The following SPOCK1 variants were observed in gnomAD, a reference collection of about 807,000 sequenced individuals.
The protein encoded by SPOCK1 is SPARC (osteonectin), cwcv and kazal like domains proteoglycan 1, also known as testican-1.
Under a neutral mutation model 55.3 loss-of-function variants are expected in SPOCK1, and 23 were observed. That is an observed-to-expected ratio of 0.42 (90% CI 0.30 to 0.59). SPOCK1 has a LOEUF of 0.59. Among genes scored for constraint, SPOCK1 ranks in the 20% least tolerant of loss-of-function variants. The pLI is 0.22. For synonymous variants in SPOCK1, 226 were observed against 221.0 expected (o/e 1.02, Z -0.20); for missense variants, 499 against 552.5 (o/e 0.90, Z 0.97).
chr5:137,076,731 G>A (rs866206716), intron 5 of SPOCK1, among the ~76,000 whole-genome samples: 11 of 152,012 alleles, frequency 7.2e-5, no homozygotes, highest in Admixed American at 3.3e-4. Context: ...GTAAGTCAGG[G>A]ACCATCTGTG....
intron 5 of SPOCK1, among the ~76,000 whole-genome samples, chr5:137,086,967 G>A (rs745784271): frequency 3.3e-5 from 5 of 152,132 alleles, no homozygotes; most frequent in African/African-American, 7.2e-5. Context: ...CAAGGTCACC[G>A]GGATAATACA....
At chr5:137,213,943 G>C (rs1252968087) in intron 3 of SPOCK1, among the ~76,000 whole-genome samples, 1 of 152,174 alleles carries the variant, frequency 6.6e-6, no homozygotes, top group Non-Finnish European at 1.5e-5. Flanking sequence ...CAAAACCAAT[G>C]TGCATCTGTT....
At chr5:137,465,422 C>A (rs1677829438) in intron 2 of SPOCK1, among the ~76,000 whole-genome samples, 1 of 152,128 alleles carries the variant, frequency 6.6e-6, no homozygotes, top group South Asian at 2.1e-4. Flanking sequence ...CTTCTCATAA[C>A]AACATTAAGA....
chr5:137,180,778 C>T (rs1754956322), intron 3 of SPOCK1, among the ~76,000 whole-genome samples: 1 of 152,148 alleles, frequency 6.6e-6, no homozygotes, highest in Non-Finnish European at 1.5e-5. Context: ...CTCTGACAAA[C>T]AGTCTCAAAA....
chr5:137,325,977 G>A (rs1459109607), intron 2 of SPOCK1, among the ~76,000 whole-genome samples: 1 of 152,128 alleles, frequency 6.6e-6, no homozygotes, highest in Non-Finnish European at 1.5e-5. Flanking sequence ...ACCTCTAAAA[G>A]GGCTGCACCA....
At chr5:137,185,636 T>C (rs890624327) in intron 3 of SPOCK1, among the ~76,000 whole-genome samples, 1 of 152,058 alleles carries the variant, frequency 6.6e-6, no homozygotes, top group African/African-American at 2.4e-5. Context: ...ATAAATAAAA[T>C]CTTCAGAAGG....
intron 3 of SPOCK1, among the ~76,000 whole-genome samples, chr5:137,160,586 A>C (rs1374805316): frequency 2.4e-5 from 1 of 41,658 alleles, no homozygotes; most frequent in Non-Finnish European, 4.4e-5. Flanking sequence ...TAATATATAT[A>C]ATATATAATA....
intron 2 of SPOCK1, among the ~76,000 whole-genome samples, chr5:137,383,829 C>T (rs529633125): frequency 2.8e-4 from 42 of 152,330 alleles, no homozygotes; most frequent in African/African-American, 8.2e-4. Flanking sequence ...ACCTCTTTTT[C>T]CCCCTTGGGG....
chr5:137,298,083 G>T (rs1306474144), intron 2 of SPOCK1, among the ~76,000 whole-genome samples: 1 of 152,128 alleles, frequency 6.6e-6, no homozygotes. Context: ...AACTTTCTGA[G>T]CCTCATTCTT....
chr5:136,996,474 G>A (rs1029244297), intron 6 of SPOCK1, among the ~76,000 whole-genome samples: 2 of 152,084 alleles, frequency 1.3e-5, no homozygotes, highest in African/African-American at 2.4e-5. Flanking sequence ...GGATGGACAC[G>A]TGCCAGCTAG....
At chr5:137,092,700 G>A (rs558008864) in intron 5 of SPOCK1, among the ~76,000 whole-genome samples, 1 of 152,218 alleles carries the variant, frequency 6.6e-6, no homozygotes, top group African/African-American at 2.4e-5. Context: ...CTGATGAATA[G>A]GAGAAAAGAT....
At chr5:137,478,123 G>A (rs904111903) in intron 2 of SPOCK1, among the ~76,000 whole-genome samples, 3 of 152,138 alleles carry the variant, frequency 2.0e-5, no homozygotes, top group Non-Finnish European at 4.4e-5. Context: ...AGATTAAACG[G>A]GCTATGTGTA....
intron 2 of SPOCK1, among the ~76,000 whole-genome samples, chr5:137,344,085 CA>C (rs1274902002): frequency 6.6e-6 from 1 of 152,332 alleles, no homozygotes; most frequent in Non-Finnish European, 1.5e-5. Context: ...CCCCTTCCCA[CA>C]ATGGAAAAAC....
At chr5:137,284,389 G>T (rs1177356852) in intron 2 of SPOCK1, among the ~76,000 whole-genome samples, 1 of 152,192 alleles carries the variant, frequency 6.6e-6, no homozygotes, top group Non-Finnish European at 1.5e-5. Context: ...ACTCCTCTTG[G>T]CAACTAACAA....
intron 5 of SPOCK1, among the ~76,000 whole-genome samples, 182 bp from the exon 6 acceptor site, chr5:137,068,011 A>G (rs184590478): frequency 4.6e-5 from 7 of 152,328 alleles, no homozygotes; most frequent in South Asian, 2.1e-4. Context: ...ATATTTTACC[A>G]AATGCAGAGG....
At chr5:137,167,256 A>G (rs7713012) in intron 3 of SPOCK1, among the ~76,000 whole-genome samples, 29,589 of 152,000 alleles carry the variant, frequency 0.19, 3,038 homozygotes, top group Middle Eastern at 0.29. Flanking sequence ...GGGTCAATTC[A>G]ACAAGAGGAT....
intron 6 of SPOCK1, among the ~76,000 whole-genome samples, chr5:136,997,004 T>G (rs1458378798): frequency 6.6e-6 from 1 of 152,174 alleles, no homozygotes; most frequent in African/African-American, 2.4e-5. Flanking sequence ...GTCCACGGCT[T>G]CATTCTTGAA....
chr5:137,456,216 G>A (rs879122393), intron 2 of SPOCK1, among the ~76,000 whole-genome samples: 7 of 152,070 alleles, frequency 4.6e-5, no homozygotes, highest in Admixed American at 1.3e-4. Context: ...AATTATCACC[G>A]CCCCTCAGTT....
intron 2 of SPOCK1, among the ~76,000 whole-genome samples, chr5:137,271,393 ATAT>A (rs1194736349): frequency 2.0e-5 from 3 of 148,756 alleles, no homozygotes; most frequent in African/African-American, 7.3e-5. Flanking sequence ...TATATAATAT[ATAT>A]TATTAAAGAT....
Sources: allele counts gnomAD v4.1 joint callset (sites outside exome capture counted in the v4.1 genomes callset), GRCh38; gene constraint gnomAD v4.1.1; transcripts MANE v1.5; gene names NCBI Gene and HGNC (gene_info 2026-07-23, HGNC 2026-07-21).